Variants in WDR70 observed in about 807,000 individuals in gnomAD.
WDR70 encodes the protein WD repeat-containing protein 70.
A neutral mutation model predicts 88.6 loss-of-function variants in WDR70; 53 were observed. That is an observed-to-expected ratio of 0.60 (90% CI 0.48 to 0.75). WDR70 has a LOEUF of 0.75. WDR70 is among the 30% of genes least tolerant of loss of function. The pLI is 0.00. For missense variants in WDR70, 610 were observed against 823.2 expected (o/e 0.74, Z 3.17); for synonymous variants, 280 against 270.0 (o/e 1.04, Z -0.36).
chr5:37,533,291 C>T (rs567274317), intron 9 of WDR70, among the ~76,000 whole-genome samples: 7 of 152,266 alleles, frequency 4.6e-5, no homozygotes, highest in Admixed American at 1.3e-4. Flanking sequence ...GGTCCTATAG[C>T]GAGGATGTGG....
intron 13 of WDR70, among the ~76,000 whole-genome samples, chr5:37,705,315 G>T (rs1249851531): frequency 6.6e-6 from 1 of 152,122 alleles, no homozygotes; most frequent in Non-Finnish European, 1.5e-5. Flanking sequence ...CATCATTTAA[G>T]AGACGAGCAA....
rs1369144514 is a variant in WDR70, at chr5:37,563,301, G to T, written c.918-41763G>T. ...GGATGGGGCGGCTGGCCGGGCGGGG[G>T]GCTGGCCCCCCACCTCCCTCCTGGA... On this transcript the variant is annotated intron_variant, in intron 9 of 17. Transcript: ENST00000265107. 6.0e-5 allele frequency among the ~76,000 whole-genome samples: 3 copies of T among 49,756 alleles called. 1 individual carries two copies. The highest frequency in any genetic ancestry group is 4.0e-4 in the African/African-American group (3 of 7,556). The allele number at this position is 49,756 out of a possible 152,430, so 32.6% of individuals were successfully genotyped here.
intron 10 of WDR70, among the ~76,000 whole-genome samples, chr5:37,608,038 C>CT (rs11295618): frequency 0.12 from 12,131 of 100,568 alleles, 991 homozygotes; most frequent in African/African-American, 0.17. Flanking sequence ...CTGCAACACT[C>CT]TTTTTTTTTT....
At chr5:37,576,531 T>G (rs1400898368) in intron 9 of WDR70, among the ~76,000 whole-genome samples, 1 of 152,180 alleles carries the variant, frequency 6.6e-6, no homozygotes, top group Non-Finnish European at 1.5e-5. Flanking sequence ...TTTCAAGCTA[T>G]TTAGTCTCTA....
intron 9 of WDR70, among the ~76,000 whole-genome samples, chr5:37,590,774 G>T: frequency 6.6e-6 from 1 of 152,094 alleles, no homozygotes; most frequent in African/African-American, 2.4e-5. Flanking sequence ...TCTAGAGGAA[G>T]TGTGGCCCTG....
At chr5:37,478,658 TA>T (rs1174402533) in intron 7 of WDR70, among the ~76,000 whole-genome samples, 4 of 152,200 alleles carry the variant, frequency 2.6e-5, no homozygotes, top group Non-Finnish European at 5.9e-5. Context: ...GAAGCTAAAA[TA>T]ACCCCTCTGA....
chr5:37,746,169 A>T (rs1748632375), intron 17 of WDR70, among the ~76,000 whole-genome samples: 1 of 152,190 alleles, frequency 6.6e-6, no homozygotes, highest in Non-Finnish European at 1.5e-5. Flanking sequence ...CCTGCTCCTT[A>T]TTGACTCCTG....
chr5:37,741,690 A>G (rs1748486532), intron 17 of WDR70, among the ~76,000 whole-genome samples: 1 of 152,200 alleles, frequency 6.6e-6, no homozygotes, highest in African/African-American at 2.4e-5. Flanking sequence ...CATGCTGGGC[A>G]GCTCAGTTCC....
chr5:37,748,054 C>T (rs578145942), intron 17 of WDR70, among the ~76,000 whole-genome samples: 1 of 152,278 alleles, frequency 6.6e-6, no homozygotes, highest in East Asian at 1.9e-4. Context: ...GTGAAAATGG[C>T]CATACTACCC....
At chr5:37,564,619 T>A (rs959590337) in intron 9 of WDR70, among the ~76,000 whole-genome samples, 9 of 114,970 alleles carry the variant, frequency 7.8e-5, no homozygotes, top group Admixed American at 1.9e-4. Context: ...GAGGCTTAAT[T>A]CTCTTATCCA....
At chr5:37,645,149 C>A (rs1475959219) in intron 10 of WDR70, among the ~76,000 whole-genome samples, 3 of 150,878 alleles carry the variant, frequency 2.0e-5, no homozygotes, top group Admixed American at 2.0e-4. Context: ...GTTGCTGTAT[C>A]CCATAGGATT....
At position 37,681,542 on chromosome 5, in the gene WDR70, T is replaced by TC. The variant is rs755250649; in HGVS notation, c.1093-16112dup. ...ATCAATGCATCCAGTTTTCACCCAT[T>TC]CATTATGATGTTGGCTGTGGGTTTG... On this transcript the variant is annotated intron_variant, in intron 10 of 17. Transcript: ENST00000265107. Among the ~76,000 whole-genome samples, 340 of 152,334 alleles carry TC rather than the reference T, an allele frequency of 2.2e-3. 6 individuals carry two copies. Among genetic ancestry groups the TC allele is most frequent in the Non-Finnish European group, 7.5e-4 (51 of 68,022 alleles).
At chr5:37,456,418 G>C (rs1738841979) in intron 7 of WDR70, among the ~76,000 whole-genome samples, 1 of 152,020 alleles carries the variant, frequency 6.6e-6, no homozygotes, top group African/African-American at 2.4e-5. Context: ...TTAAGAACTG[G>C]GTTCTTTTCT....
intron 8 of WDR70, among the ~76,000 whole-genome samples, chr5:37,504,288 G>C (rs1740493516): frequency 6.6e-6 from 1 of 151,322 alleles, no homozygotes; most frequent in Non-Finnish European, 1.5e-5. Context: ...GTGTTTTATG[G>C]GTATGTGTTT....
At chr5:37,442,186 C>T (rs1477984376) in intron 6 of WDR70, among the ~76,000 whole-genome samples, 9 of 151,000 alleles carry the variant, frequency 6.0e-5, no homozygotes, top group Non-Finnish European at 1.0e-4. Flanking sequence ...TACAGGCATG[C>T]GCCACCATGC....
chr5:37,462,144 C>CCT, intron 7 of WDR70, among the ~76,000 whole-genome samples: 1 of 152,004 alleles, frequency 6.6e-6, no homozygotes, highest in East Asian at 1.9e-4. Context: ...CTGATGAAGT[C>CCT]CTCAGCTCTT....
chr5:37,644,127 A>G (rs1029847457), intron 10 of WDR70, among the ~76,000 whole-genome samples: 1 of 151,986 alleles, frequency 6.6e-6, no homozygotes. Context: ...GGGTCTGTCT[A>G]TATGGCTTTT....
chr5:37,730,176 T>C (rs1415151933), intron 17 of WDR70, among the ~76,000 whole-genome samples: 1 of 152,172 alleles, frequency 6.6e-6, no homozygotes, highest in African/African-American at 2.4e-5. Context: ...TATCACAAAA[T>C]TATTGCTAAT....
chr5:37,437,189 C>A (rs1189099435), intron 5 of WDR70, among the ~76,000 whole-genome samples: 2 of 152,106 alleles, frequency 1.3e-5, no homozygotes, highest in African/African-American at 4.8e-5. Context: ...ACAACTGGTA[C>A]AATCCCACTT....
Sources: gnomAD v4.1 joint callset for allele counts (sites outside exome capture counted in the v4.1 genomes callset) on GRCh38, gnomAD v4.1.1 for gene constraint, MANE v1.5 for transcripts, NCBI Gene and HGNC (gene_info 2026-07-23, HGNC 2026-07-21) for gene names.